Variants in ARHGAP6 observed in about 807,000 individuals in gnomAD.
The protein encoded by ARHGAP6 is rho GTPase-activating protein 6.
Under a neutral mutation model 55.7 loss-of-function variants are expected in ARHGAP6, and 16 were observed. The observed-to-expected ratio is 0.29, with a 90% CI of 0.19 to 0.44. ARHGAP6 has a LOEUF of 0.44. Ranked by LOEUF, ARHGAP6 falls within the 20% of genes least tolerant of loss-of-function variation. The pLI, the probability that ARHGAP6 is intolerant of heterozygous loss-of-function variation, is 1.00. For synonymous variants in ARHGAP6, 382 were observed against 360.9 expected (o/e 1.06, Z -0.66); for missense variants, 698 against 808.9 (o/e 0.86, Z 1.66).
intron 1 of ARHGAP6, among the ~76,000 whole-genome samples, chrX:11,435,198 CA>C (rs2049976347): frequency 8.9e-6 from 1 of 111,822 alleles, no homozygotes; most frequent in Non-Finnish European, 1.9e-5. Flanking sequence ...GATCTGGTCC[CA>C]AATGTCAATA....
intron 1 of ARHGAP6, among the ~76,000 whole-genome samples, chrX:11,479,329 G>A (rs574714791): frequency 1.8e-5 from 2 of 112,071 alleles, no homozygotes; most frequent in East Asian, 2.8e-4. Context: ...GCAACATCCC[G>A]GTTCAGCTCA....
rs1375731557 is a variant in ARHGAP6, at chrX:11,431,437, G to C, written c.589-176730C>G. ...TTTTCCACAGTTAATGCCAATGCAA[G>C]GGTGATTACTTTTTTCAGAAAAACT... On this transcript the variant is annotated intron_variant, in intron 1 of 12. Transcript: ENST00000337414. 3.5e-5 allele frequency among the ~76,000 whole-genome samples: 4 copies of C among 112,909 alleles called. No homozygotes were observed. The Admixed American group carries it at 3.7e-4, about 11-fold the overall frequency.
intron 1 of ARHGAP6, among the ~76,000 whole-genome samples, chrX:11,546,212 T>G (rs908624797): frequency 1.9e-4 from 21 of 110,973 alleles, no homozygotes; most frequent in Non-Finnish European, 4.0e-4. Context: ...TATTTATACC[T>G]ATATCCCTAA....
At chrX:11,542,367 C>T (rs963863084) in intron 1 of ARHGAP6, among the ~76,000 whole-genome samples, 5 of 110,317 alleles carry the variant, frequency 4.5e-5, no homozygotes, top group African/African-American at 1.7e-4. Flanking sequence ...CCAGCTACTC[C>T]GGAGGCTGAG....
intron 1 of ARHGAP6, among the ~76,000 whole-genome samples, chrX:11,368,297 T>C (rs894036362): frequency 1.8e-5 from 2 of 112,236 alleles, no homozygotes; most frequent in African/African-American, 6.5e-5. Flanking sequence ...ATGCACACAT[T>C]GTACTTTTCA....
chrX:11,211,225 T>C (rs1245137464), intron 2 of ARHGAP6, among the ~76,000 whole-genome samples: 1 of 106,617 alleles, frequency 9.4e-6, no homozygotes, highest in African/African-American at 3.5e-5. Context: ...AACTGCTGTT[T>C]TTTTTTTTTT....
intron 1 of ARHGAP6, among the ~76,000 whole-genome samples, chrX:11,590,853 A>AGG (rs1385404085): frequency 7.1e-5 from 3 of 42,395 alleles, no homozygotes; most frequent in Non-Finnish European, 1.1e-4. Flanking sequence ...AAAGAAAAGA[A>AGG]AAGAAAAGAA....
chrX:11,428,669 C>G (rs2049914138), intron 1 of ARHGAP6, among the ~76,000 whole-genome samples: 1 of 111,543 alleles, frequency 9.0e-6, no homozygotes, highest in African/African-American at 3.3e-5. Flanking sequence ...CTGTACTGAA[C>G]CGGCTGAATG....
chrX:11,366,914 AGAG>A (rs2049087094), intron 1 of ARHGAP6, among the ~76,000 whole-genome samples: 1 of 112,066 alleles, frequency 8.9e-6, no homozygotes, highest in Middle Eastern at 4.6e-3. Context: ...GTCTACAGTG[AGAG>A]GAGAAGAGGC....
chrX:11,393,882 G>A (rs150074298), intron 1 of ARHGAP6, among the ~76,000 whole-genome samples: 241 of 111,514 alleles, frequency 2.2e-3, no homozygotes, highest in Non-Finnish European at 4.0e-3. Context: ...TCAAAAAAGC[G>A]TCTTTAGAAC....
At chrX:11,453,678 C>A (rs1021484923) in intron 1 of ARHGAP6, among the ~76,000 whole-genome samples, 1 of 111,344 alleles carries the variant, frequency 9.0e-6, no homozygotes, top group African/African-American at 3.3e-5. Context: ...ATGATACATC[C>A]CCAGCCCTCT....
chrX:11,225,110 C>T (rs113990431), intron 2 of ARHGAP6, among the ~76,000 whole-genome samples: 499 of 110,840 alleles, frequency 4.5e-3, no homozygotes, highest in Non-Finnish European at 6.8e-3. Context: ...TGCTCTTTAT[C>T]GTTGCTATCA....
intron 1 of ARHGAP6, among the ~76,000 whole-genome samples, chrX:11,410,967 G>A (rs1010414820): frequency 5.6e-5 from 6 of 107,010 alleles, no homozygotes; most frequent in Non-Finnish European, 1.2e-4. Flanking sequence ...TAAAAAGAGA[G>A]AAACAAACAA....
At chrX:11,555,008 T>C (rs1201766626) in intron 1 of ARHGAP6, among the ~76,000 whole-genome samples, 1 of 112,153 alleles carries the variant, frequency 8.9e-6, no homozygotes, top group African/African-American at 3.2e-5. Context: ...GGGCTCCTTT[T>C]GGGACAACAA....
chrX:11,227,004 A>G (rs1485105602), intron 2 of ARHGAP6, among the ~76,000 whole-genome samples: 1 of 112,276 alleles, frequency 8.9e-6, no homozygotes, highest in East Asian at 2.8e-4. Context: ...CTTCATGTAG[A>G]TGTATATTAT....
At chrX:11,241,780 C>T (rs763883156) in intron 2 of ARHGAP6, among the ~76,000 whole-genome samples, 2 of 111,382 alleles carry the variant, frequency 1.8e-5, no homozygotes, top group Non-Finnish European at 3.8e-5. Flanking sequence ...TTTCTTTTTC[C>T]TGCTAGCACT....
At chrX:11,195,212 C>T (rs767093791) in intron 3 of ARHGAP6, among the ~76,000 whole-genome samples, 3 of 110,629 alleles carry the variant, frequency 2.7e-5, no homozygotes, top group Non-Finnish European at 3.8e-5. Flanking sequence ...ATTAGCTGAG[C>T]ATGGTGGTGC....
In ARHGAP6 at chrX:11,215,028, T is replaced by C. The variant is rs2046860205; in HGVS notation, c.749-18032A>G. 5.3e-5 allele frequency among the ~76,000 whole-genome samples: 6 copies of C among 112,816 alleles called. No homozygotes were observed. The South Asian group carries it at 2.2e-3, about 41-fold the overall frequency. Reference sequence around the variant, plus strand: ...GCAAGGCCCTGAGGGCAGGCCGGGGTGGGCCAGGGCTGAGAGCTGGAGCTG... The same window carrying C: ...GCAAGGCCCTGAGGGCAGGCCGGGGCGGGCCAGGGCTGAGAGCTGGAGCTG... On this transcript the variant is annotated intron_variant, in intron 2 of 12. Coordinates refer to ENST00000337414, the MANE Select transcript of ARHGAP6 (RefSeq NM_013427.3).
chrX:11,557,203 C>G (rs1186636858), intron 1 of ARHGAP6, among the ~76,000 whole-genome samples: 1 of 112,054 alleles, frequency 8.9e-6, no homozygotes, highest in Non-Finnish European at 1.9e-5. Context: ...TAAATCCTAT[C>G]ACCCATGTAA....
Sources: allele counts gnomAD v4.1 joint callset (sites outside exome capture counted in the v4.1 genomes callset), GRCh38; gene constraint gnomAD v4.1.1; transcripts MANE v1.5; gene names NCBI Gene and HGNC (gene_info 2026-07-23, HGNC 2026-07-21).